The following CRB2 variants were observed in gnomAD, a reference collection of about 807,000 sequenced individuals.
CRB2 encodes crumbs cell polarity complex component 2.
In CRB2, 85 loss-of-function variants were observed where a neutral mutation model predicts 110.9. The ratio of observed to expected loss-of-function variants is 0.77; its 90% CI spans 0.64 to 0.92. The LOEUF (loss-of-function observed/expected upper bound fraction) is 0.92, where lower values mean the gene tolerates loss of function less well. Among genes scored for constraint, CRB2 ranks in the 40% least tolerant of loss-of-function variants. CRB2 has a pLI of 0.00. For synonymous variants in CRB2, 907 were observed against 831.0 expected, an observed-to-expected ratio of 1.09 and a Z score of -1.57; for missense variants, 1,843 against 1,851.3, an observed-to-expected ratio of 1.00 and a Z score of 0.08.
At chr9:123,366,185 G>A in intron 3 of CRB2, 42 bp from the exon 4 acceptor site, 1 of 1,377,344 alleles carries the variant, frequency 7.3e-7, no homozygotes, top group Non-Finnish European at 9.3e-7. Context: ...CGGGGCAGAA[G>A]GGGCAGGCGC....
rs1181963200 is a variant in CRB2 at position 123,372,090 on chromosome 9, G to A, written c.2437-87G>A. On this transcript the variant is annotated intron_variant, in intron 8 of 12. Coordinates refer to ENST00000373631, the MANE Select transcript of CRB2 (RefSeq NM_173689.7). ...AGGAGATACTGTGTCTGTAGTAGGT[G>A]CTCAGCGAAGAAGCACTGCAATGCC... The A allele has an allele frequency of 1.1e-5, 14 of 1,301,266 alleles. No homozygotes were observed. In the East Asian group the frequency reaches 3.3e-4, roughly 30 times the overall value. 80.6% of individuals were successfully genotyped at this position (1,301,266 alleles called of 1,614,324 possible).
chr9:123,355,923 C>T (rs922059547), upstream of CRB2, among the ~76,000 whole-genome samples: 2 of 151,762 alleles, frequency 1.3e-5, no homozygotes, highest in Non-Finnish European at 2.9e-5. Flanking sequence ...TGAACAGCCC[C>T]CTCTCCAAGG....
chr9:123,373,968 A>G lies in CRB2; in HGVS notation c.3389+48A>G, dbSNP rs2488599. The G allele has an allele frequency of 0.35, 543,113 of 1,548,784 alleles. 100,262 individuals are homozygous for G. Among genetic ancestry groups the G allele is most frequent in the African/African-American group, 0.66 (48,394 of 73,020 alleles). On this transcript the variant is annotated intron_variant, in intron 10 of 12. Coordinates refer to ENST00000373631, the MANE Select transcript of CRB2 (RefSeq NM_173689.7). ...TGGGCTGCGAATGCCCCCTGGGGCT[A>G]TGGTGGGGCAGAGAAGTCTGCCAGG...
chr9:123,362,475 G>T (rs577054559), intron 1 of CRB2, among the ~76,000 whole-genome samples: 14 of 152,238 alleles, frequency 9.2e-5, no homozygotes, highest in South Asian at 2.1e-4. Context: ...GGCAGGCTCA[G>T]CAAGCCTTCA....
intron 5 of CRB2, 64 bp downstream of exon 5, chr9:123,367,421 A>ACCCCCACAC: frequency 1.7e-6 from 1 of 600,978 alleles, no homozygotes; most frequent in South Asian, 2.6e-5. Flanking sequence ...TCTTGTGCCC[A>ACCCCCACAC]CCCCCCCACC....
At chr9:123,367,530 G>T (rs1353698243) in intron 5 of CRB2, 43 bp from the exon 6 acceptor site, 15 of 1,503,112 alleles carry the variant, frequency 1.0e-5, no homozygotes, top group African/African-American at 2.8e-5. Flanking sequence ...CCCCTGCCTG[G>T]CTCTGAGGGT....
In CRB2 at chr9:123,377,770, A is replaced by C. The variant is rs1376858957; in HGVS notation, c.*708A>C. On this transcript the variant is annotated 3_prime_UTR_variant, in exon 13 of 13. Transcript: ENST00000373631. ...AGTCATGCGAGGGAACCACAGACCC[A>C]CCCGCCCCCTCAGCCGGAGCAGCCC... 6.6e-6 allele frequency: 1 copy of C among 151,996 alleles called. No individual in the cohort carries two copies. Among genetic ancestry groups the C allele is most frequent in the African/African-American group, 2.4e-5 (1 of 41,330 alleles). 9.4% of individuals were successfully genotyped at this position (151,996 alleles called of 1,614,324 possible). A position where few individuals can be genotyped will look rare whatever the true frequency, so the allele number is the denominator to read the frequency against.
downstream of CRB2, chr9:123,378,805 G>GTTTTTTTTTTTTTTTTTTT (rs1166539194): frequency 9.9e-6 from 1 of 100,982 alleles, no homozygotes; most frequent in Admixed American, 1.3e-4. Context: ...CCTGTTTTTT[G>GTTTTTTTTTTTTTTTTTTT]TTTTTTTTTT....
chr9:123,378,809 T>TG (rs1409875937), downstream of CRB2: 2 of 70,290 alleles, frequency 2.8e-5, no homozygotes, highest in Admixed American at 1.8e-4. Flanking sequence ...TTTTTTGTTT[T>TG]TTTTTTTTTT....
chr9:123,365,536 A>G (rs956819576), intron 2 of CRB2, among the ~76,000 whole-genome samples: 1 of 152,114 alleles, frequency 6.6e-6, no homozygotes, highest in Non-Finnish European at 1.5e-5. Flanking sequence ...CCCCTATCTG[A>G]ATCCTTCAAA....
chr9:123,366,400 G>A, intron 4 of CRB2, 34 bp downstream of exon 4: 5 of 1,521,212 alleles, frequency 3.3e-6, no homozygotes, highest in Non-Finnish European at 3.5e-6. Context: ...CTGGCGGGGG[G>A]AGGGGTAGGT....
chr9:123,356,286 C>T lies in CRB2; in HGVS notation c.26C>T (p.Pro9Leu), dbSNP rs752674440. 30 of 1,539,140 alleles carry T rather than the reference C, an allele frequency of 1.9e-5. No homozygotes were observed. The East Asian group carries it at 2.2e-4, about 11-fold the overall frequency. The change falls in exon 1 of 13, where the codon CCG becomes CTG. Residue 9 changes from proline (P) to leucine (L), a missense_variant. Transcript: ENST00000373631. MALARPGTPDPQALASVLL... is the reference protein window; with the variant it reads MALARPGTLDPQALASVLL... ...ATGGCGCTGGCCAGGCCTGGGACCC[C>T]GGACCCCCAGGCCCTGGCCTCTGTC...
chr9:123,374,800 C>T, intron 11 of CRB2, 105 bp downstream of exon 11: 1 of 717,660 alleles, frequency 1.4e-6, no homozygotes, highest in Non-Finnish European at 2.3e-6. Flanking sequence ...TCACCCCTCC[C>T]TGGTATCACA....
At chr9:123,376,022 G>C (rs764915792) in intron 12 of CRB2, among the ~76,000 whole-genome samples, 1 of 152,050 alleles carries the variant, frequency 6.6e-6, no homozygotes, top group Non-Finnish European at 1.5e-5. Context: ...CTCCGCTTAC[G>C]GGGAATGTTT....
intron 2 of CRB2, among the ~76,000 whole-genome samples, chr9:123,364,939 A>T (rs2041912515): frequency 6.6e-6 from 1 of 152,142 alleles, no homozygotes; most frequent in South Asian, 2.1e-4. Flanking sequence ...CCTCTCTGGG[A>T]TCTGAAAGCC....
At chr9:123,376,018 T>TTA (rs1488286037) in intron 12 of CRB2, among the ~76,000 whole-genome samples, 1 of 151,988 alleles carries the variant, frequency 6.6e-6, no homozygotes, top group African/African-American at 2.4e-5. Flanking sequence ...TCCCCTCCGC[T>TTA]TACGGGGAAT....
chr9:123,366,060 T>C lies in CRB2; in HGVS notation c.562T>C (p.Cys188Arg), dbSNP rs1191420625. Reference protein sequence around the residue: ...GTRCQLDLDECQSQPCAHGGT... With the variant: ...GTRCQLDLDERQSQPCAHGGT... ...CCGTTGCCAGCTGGACCTCGACGAGTGCCAGAGCCAGCCGTGCGCACATGG... is the reference window on the plus strand; with the variant it reads ...CCGTTGCCAGCTGGACCTCGACGAGCGCCAGAGCCAGCCGTGCGCACATGG... Residue 188 changes from cysteine (C) to arginine (R), a missense_variant, in exon 3 of 13, where the codon TGC (cysteine) becomes CGC (arginine). Transcript: ENST00000373631. 3 of 1,576,412 alleles carry C rather than the reference T, an allele frequency of 1.9e-6. No homozygotes were observed. The highest frequency in any genetic ancestry group is 1.7e-5 in the Admixed American group (1 of 57,228).
In CRB2 at chr9:123,373,615, G is replaced by T; in HGVS notation, c.3084G>T (p.Arg1028=). The part of the protein sequence containing the change: ...ALGGLPLPLA[R]PRPGAAPGAR... ...GCGGCCTGCCCCTGCCCTTGGCGCG[G>T]CCCCGGCCCGGCGCGGCCCCTGGCG... Residue 1028 remains arginine, a synonymous_variant, in exon 10 of 13, where the codon CGG becomes CGT. Transcript: ENST00000373631. 1 of 1,361,416 alleles carries T rather than the reference G, an allele frequency of 7.3e-7. No homozygotes were observed. Among genetic ancestry groups the T allele is most frequent in the Non-Finnish European group, 9.4e-7 (1 of 1,064,818 alleles). 84.3% of individuals were successfully genotyped at this position (1,361,416 alleles called of 1,614,324 possible).
Position 123,370,224 on chromosome 9 carries a change from C to T in CRB2, c.1171C>T (p.Arg391Cys), listed in dbSNP as rs762973665. 12 of 1,613,020 alleles carry T rather than the reference C, an allele frequency of 7.4e-6. No individual in the cohort carries two copies. The highest frequency in any genetic ancestry group is 4.4e-5 in the South Asian group (4 of 91,088). ...CAGGTGCCCAGAGACCTGGGGTGGG[C>T]GCGACTGTTCTGTGCAGCTCACTGG... ...ICRCPETWGGRDCSVQLTGCQ... is the reference protein window; with the variant it reads ...ICRCPETWGGCDCSVQLTGCQ... The change falls in exon 7 of 13, where the codon CGC (arginine) becomes TGC (cysteine). Residue 391 changes from arginine to cysteine, a missense_variant. Transcript: ENST00000373631.
Sources: allele counts gnomAD v4.1 joint callset (sites outside exome capture counted in the v4.1 genomes callset), GRCh38; gene constraint gnomAD v4.1.1; transcripts MANE v1.5; gene names NCBI Gene and HGNC (gene_info 2026-07-23, HGNC 2026-07-21).